The following ADAMTS2 variants were observed in gnomAD, a reference collection of about 807,000 sequenced individuals.
ADAMTS2 encodes the protein ADAM metallopeptidase with thrombospondin type 1 motif 2.
ADAMTS2 carries 50 observed loss-of-function variants against 123.0 expected under a neutral mutation model. The ratio of observed to expected loss-of-function variants is 0.41; its 90% CI spans 0.32 to 0.51. The LOEUF is 0.51. Ranked by LOEUF, ADAMTS2 falls within the 20% of genes least tolerant of loss-of-function variation. The probability of loss-of-function intolerance (pLI) is 0.35; values close to 1 mark genes in which losing one functional copy is unlikely to be tolerated. For synonymous variants in ADAMTS2, 678 were observed against 695.4 expected (o/e 0.98, Z 0.39); for missense variants, 1,494 against 1,705.2 (o/e 0.88, Z 2.18).
chr5:179,216,895 CACT>C (rs1248122195), intron 3 of ADAMTS2, among the ~76,000 whole-genome samples: 2 of 152,224 alleles, frequency 1.3e-5, no homozygotes, highest in Non-Finnish European at 2.9e-5. Context: ...GGCAGTCTGG[CACT>C]ACTGAGGGGA....
rs1757859650 is a variant in ADAMTS2, at chr5:179,343,986, A to T, written c.315T>A (p.Pro105=). The T allele has an allele frequency of 6.2e-7, 1 of 1,612,562 alleles. No homozygotes were observed. Among genetic ancestry groups the T allele is most frequent in the South Asian group, 1.1e-5 (1 of 91,038 alleles). The part of the protein sequence containing the change: ...PSFPGGNEEE[P]GSHLFYNVTV... ...TGACATTGTAGAAGAGGTGACTGCC[A>T]GGCTCCTCCTCGTTGCCTCCGGGGA... The change falls in exon 2 of 22, where the codon CCT becomes CCA. Residue 105 remains proline (P), a synonymous_variant. Transcript: ENST00000251582.
At chr5:179,306,437 A>G (rs1330050155) in intron 2 of ADAMTS2, among the ~76,000 whole-genome samples, 4 of 152,244 alleles carry the variant, frequency 2.6e-5, no homozygotes, top group South Asian at 4.1e-4. Flanking sequence ...AAAACTCTCA[A>G]CTAACAGAGA....
intron 2 of ADAMTS2, among the ~76,000 whole-genome samples, chr5:179,335,128 C>T (rs879629521): frequency 1.3e-4 from 19 of 151,870 alleles, no homozygotes; most frequent in Admixed American, 1.2e-3. Context: ...AGAATACCAG[C>T]AAAGGGGGAC....
At chr5:179,138,722 T>G (rs1763107904) in intron 11 of ADAMTS2, among the ~76,000 whole-genome samples, 1 of 152,164 alleles carries the variant, frequency 6.6e-6, no homozygotes. Context: ...TGCACGAGCG[T>G]GTTCACACGT....
rs944823546 is a variant in ADAMTS2 at position 179,343,743 on chromosome 5, G to A, written c.534+24C>T. 6 of 1,605,670 alleles carry A rather than the reference G, an allele frequency of 3.7e-6. No individual in the cohort carries two copies. The Admixed American group carries it at 5.0e-5, about 13-fold the overall frequency. The stretch of plus-strand genomic sequence containing the variant: ...CCCAGGCGAGAGCAGCGGAGAGAAA[G>A]GAGCTAGAGAAGTGCGTACTCACCA... On this transcript the variant is annotated intron_variant, in intron 2 of 21. Transcript: ENST00000251582.
intron 3 of ADAMTS2, among the ~76,000 whole-genome samples, chr5:179,266,106 T>C (rs1465049814): frequency 1.3e-5 from 2 of 152,122 alleles, no homozygotes; most frequent in Admixed American, 6.5e-5. Context: ...GAGACAGGTC[T>C]GGGCACAAGA....
rs547747111 is a variant in ADAMTS2, at chr5:179,129,293, C to T, written c.2457+639G>A. 2.0e-5 allele frequency among the ~76,000 whole-genome samples: 3 copies of T among 152,260 alleles called. No homozygotes were observed. Among genetic ancestry groups the T allele is most frequent in the East Asian group, 1.9e-4 (1 of 5,186 alleles). Reference sequence around the variant, plus strand: ...CTTACAGGTGCACCCACGTGTGGAGCGCTGGGGGCTGGTGGATTAATCCCA... The same window carrying T: ...CTTACAGGTGCACCCACGTGTGGAGTGCTGGGGGCTGGTGGATTAATCCCA... On this transcript the variant is annotated intron_variant, in intron 16 of 21. Coordinates refer to ENST00000251582, the MANE Select transcript of ADAMTS2 (RefSeq NM_014244.5). This position sits in a 1 kb window ranked among gnomAD's most constrained non-coding sequence, Gnocchi z 4.1.
At position 179,204,877 on chromosome 5, in the gene ADAMTS2, T is replaced by C. The variant is rs567074120; in HGVS notation, c.891+2636A>G. Among the ~76,000 whole-genome samples the C allele has an allele frequency of 2.6e-5, 4 of 152,346 alleles. No homozygotes were observed. The South Asian group carries it at 6.2e-4, about 24-fold the overall frequency. On this transcript the variant is annotated intron_variant, in intron 4 of 21. Coordinates refer to ENST00000251582, the MANE Select transcript of ADAMTS2 (RefSeq NM_014244.5). The stretch of plus-strand genomic sequence containing the variant: ...CTGCAGGACACCCCCACTGTGCCCA[T>C]GACAAGCACACTGTCAACACGTTTG...
chr5:179,158,617 C>T lies in ADAMTS2; in HGVS notation c.1132+106G>A, dbSNP rs915273783. The T allele has an allele frequency of 1.2e-5, 19 of 1,523,420 alleles. No individual in the cohort carries two copies. Among genetic ancestry groups the T allele is most frequent in the Middle Eastern group, 1.9e-4 (1 of 5,178 alleles). The allele number at this position is 1,523,420 out of a possible 1,614,324, so 94.4% of individuals were successfully genotyped here. ...CTAAGGTGGCCACGGCCTTCCCTGC[C>T]CTGACACTCTTCCCTGGGCTGGGCC... On this transcript the variant is annotated intron_variant, in intron 6 of 21. Transcript: ENST00000251582. This position sits in a 1 kb window ranked among gnomAD's most constrained non-coding sequence, Gnocchi z 5.0.
At chr5:179,120,826 G>C (rs988612095) in intron 21 of ADAMTS2, 1 of 152,150 alleles carries the variant, frequency 6.6e-6, no homozygotes, top group Non-Finnish European at 1.5e-5. Flanking sequence ...TGAACGCACC[G>C]GCTCCCCTAC....
At position 179,331,224 on chromosome 5, in the gene ADAMTS2, GA is replaced by G. The variant is rs138180376; in HGVS notation, c.534+12542del. Among the ~76,000 whole-genome samples the G allele has an allele frequency of 9.0e-3, 1,338 of 149,416 alleles. 21 individuals are homozygous for G. The highest frequency in any genetic ancestry group is 0.031 in the African/African-American group (1,242 of 40,294). On this transcript the variant is annotated intron_variant, in intron 2 of 21. Transcript: ENST00000251582. ...CTGGCTGATGAAAGACTCTGGGAAA[GA>G]AAGGTGGGAACGGGGAGAGGACAGA...
intron 10 of ADAMTS2, among the ~76,000 whole-genome samples, 193 bp from the exon 11 acceptor site, chr5:179,140,228 C>T (rs760049369): frequency 1.3e-5 from 2 of 152,154 alleles, no homozygotes; most frequent in Admixed American, 6.5e-5. Flanking sequence ...CAATAAGAGG[C>T]ACAGTGAGGG....
At chr5:179,248,292 C>T (rs1011897631) in intron 3 of ADAMTS2, among the ~76,000 whole-genome samples, 1 of 151,720 alleles carries the variant, frequency 6.6e-6, no homozygotes, top group African/African-American at 2.4e-5. Context: ...ATGTGTTAAA[C>T]ACAAAAGAAG....
At chr5:179,131,157 C>CA (rs1475321640) in intron 15 of ADAMTS2, among the ~76,000 whole-genome samples, 24 of 151,228 alleles carry the variant, frequency 1.6e-4, no homozygotes, top group Non-Finnish European at 3.0e-4. Flanking sequence ...GTAAAAAATA[C>CA]AAAAAATTAG....
rs1003144108 is a variant in ADAMTS2, at chr5:179,303,072, T to G, written c.535-30008A>C. Among the ~76,000 whole-genome samples the G allele has an allele frequency of 6.6e-6, 1 of 151,844 alleles. No individual in the cohort carries two copies. The highest frequency in any genetic ancestry group is 1.5e-5 in the Non-Finnish European group (1 of 67,940). On this transcript the variant is annotated intron_variant, in intron 2 of 21. Transcript: ENST00000251582. The surrounding 1 kb of genome is among the most constrained non-coding windows in gnomAD (Gnocchi z 4.7). Reference sequence around the variant, plus strand: ...AGCTTCCTCTGCTGTGGGGAGGAGATTGGATTTTCTCCTCTGTGCAGTGGG... The same window carrying G: ...AGCTTCCTCTGCTGTGGGGAGGAGAGTGGATTTTCTCCTCTGTGCAGTGGG...
intron 3 of ADAMTS2, among the ~76,000 whole-genome samples, chr5:179,249,438 T>G (rs1275083591): frequency 6.6e-6 from 1 of 151,798 alleles, no homozygotes; most frequent in Non-Finnish European, 1.5e-5. Flanking sequence ...TGAAAAACAA[T>G]AAGAAGACTC....
chr5:179,282,435 G>T (rs1273634961), intron 2 of ADAMTS2, among the ~76,000 whole-genome samples: 1 of 152,182 alleles, frequency 6.6e-6, no homozygotes, highest in African/African-American at 2.4e-5. Flanking sequence ...CCTTTGTCAA[G>T]AATCAATATG....
chr5:179,243,814 T>C (rs891911278), intron 3 of ADAMTS2, among the ~76,000 whole-genome samples: 1 of 152,060 alleles, frequency 6.6e-6, no homozygotes, highest in Non-Finnish European at 1.5e-5. Context: ...GATGACAATA[T>C]CTCATCAAAT....
At chr5:179,210,635 G>A (rs1051869076) in intron 3 of ADAMTS2, among the ~76,000 whole-genome samples, 11 of 152,194 alleles carry the variant, frequency 7.2e-5, no homozygotes, top group African/African-American at 1.7e-4. Flanking sequence ...TGACAGCCAC[G>A]CCCTGCGTCT....
Sources: gnomAD v4.1 joint callset for allele counts (sites outside exome capture counted in the v4.1 genomes callset) on GRCh38, gnomAD v4.1.1 for gene constraint, Gnocchi (gnomAD v3.1) non-coding constraint, MANE v1.5 for transcripts, NCBI Gene and HGNC (gene_info 2026-07-23, HGNC 2026-07-21) for gene names.